BRIP1: variants seen among roughly 807,000 people sequenced by gnomAD.
The protein encoded by BRIP1 is Fanconi anemia group J protein.
BRIP1 carries 88 observed loss-of-function variants against 119.7 expected under a neutral mutation model. That is an observed-to-expected ratio of 0.74 (90% confidence interval 0.62 to 0.88). The LOEUF (loss-of-function observed/expected upper bound fraction) is 0.88. Among genes scored for constraint, BRIP1 ranks in the 40% least tolerant of loss-of-function variants. BRIP1 has a pLI of 0.00. For synonymous variants in BRIP1, 443 were observed against 496.5 expected, an observed-to-expected ratio of 0.89 and a Z score of 1.43; for missense variants, 1,259 against 1,455.4, an observed-to-expected ratio of 0.87 and a Z score of 2.20.
Position 61,756,331 on chromosome 17 carries a change from C to T in BRIP1, c.2098-11740G>A, listed in dbSNP as rs564042253. Among the ~76,000 whole-genome samples, 6 of 152,218 alleles carry T rather than the reference C, an allele frequency of 3.9e-5. No individual in the cohort carries two copies. In the South Asian group the frequency reaches 6.2e-4, roughly 16 times the overall value. On this transcript the variant is annotated intron_variant, in intron 14 of 19. Transcript: ENST00000259008. This position sits in a 1 kb window ranked among gnomAD's most constrained non-coding sequence, Gnocchi z 4.3. ...CTAAAAACTAACTTAAAGGAAAGTA[C>T]GATGACACAGAGCTGTCTCTCAGGT...
rs1295906493 is a variant in BRIP1 at position 61,796,235 on chromosome 17, C to T, written c.1341-2506G>A. ...TTCACTTTGTTGATTGTTTCCTTTG[C>T]TGTGCAGCAGCTTTTTAACTTGATG... On this transcript the variant is annotated intron_variant, in intron 9 of 19. Transcript: ENST00000259008. The surrounding 1 kb of genome is among the most constrained non-coding windows in gnomAD (Gnocchi z 4.8). Among the ~76,000 whole-genome samples the T allele has an allele frequency of 6.6e-6, 1 of 152,004 alleles. No homozygotes were observed. Among genetic ancestry groups the T allele is most frequent in the Non-Finnish European group, 1.5e-5 (1 of 67,982 alleles).
At chr17:61,696,812 T>C (rs181224057) in intron 17 of BRIP1, among the ~76,000 whole-genome samples, 240 of 151,458 alleles carry the variant, frequency 1.6e-3, no homozygotes, top group African/African-American at 5.6e-3. Context: ...GGTGAAACCC[T>C]GTCTCTACTA....
chr17:61,843,225 G>T lies in BRIP1; in HGVS notation c.627+3876C>A, dbSNP rs2078682520. Among the ~76,000 whole-genome samples the T allele has an allele frequency of 1.3e-5, 2 of 152,124 alleles. No individual in the cohort carries two copies. The highest frequency in any genetic ancestry group is 2.9e-5 in the Non-Finnish European group (2 of 68,020). On this transcript the variant is annotated intron_variant, in intron 6 of 19. Transcript: ENST00000259008. This position sits in a 1 kb window ranked among gnomAD's most constrained non-coding sequence, Gnocchi z 5.7. ...TGGGGCAGGGAGGTGGGGGATTTGA[G>T]GAGATGTTGATCAAAGAGTAAAAAG...
In BRIP1 at chr17:61,828,909, T is replaced by C. The variant is rs1440746639; in HGVS notation, c.627+18192A>G. Among the ~76,000 whole-genome samples the C allele has an allele frequency of 1.3e-5, 2 of 152,126 alleles. No individual in the cohort carries two copies. Among genetic ancestry groups the C allele is most frequent in the African/African-American group, 4.8e-5 (2 of 41,430 alleles). On this transcript the variant is annotated intron_variant, in intron 6 of 19. Transcript: ENST00000259008. The surrounding 1 kb of genome is among the most constrained non-coding windows in gnomAD (Gnocchi z 4.1). ...CATTATTTGTGAGTTGAAATATTAT[T>C]TGAAGGTACACTGTGATAAGTTTAA...
chr17:61,788,871 A>G (rs1046935889), intron 10 of BRIP1, among the ~76,000 whole-genome samples: 1 of 152,086 alleles, frequency 6.6e-6, no homozygotes, highest in Non-Finnish European at 1.5e-5. Flanking sequence ...AGGCGGGTGG[A>G]TCACTTGAGC....
At position 61,726,201 on chromosome 17, in the gene BRIP1, G is replaced by A. The variant is rs2076764225; in HGVS notation, c.2380-10138C>T. ...TTCTCAATTTCTTCGTCTGTAAGAAGGGGCTTAGAATTAGAAGTCTCTTAG... is the reference window on the plus strand; with the variant it reads ...TTCTCAATTTCTTCGTCTGTAAGAAAGGGCTTAGAATTAGAAGTCTCTTAG... On this transcript the variant is annotated intron_variant, in intron 16 of 19. Coordinates refer to ENST00000259008, the MANE Select transcript of BRIP1 (RefSeq NM_032043.3). The surrounding 1 kb of genome is among the most constrained non-coding windows in gnomAD (Gnocchi z 6.2). Among the ~76,000 whole-genome samples, 2 of 152,328 alleles carry A rather than the reference G, an allele frequency of 1.3e-5. No individual in the cohort carries two copies. The highest frequency in any genetic ancestry group is 4.1e-4 in the South Asian group (2 of 4,822).
intron 10 of BRIP1, among the ~76,000 whole-genome samples, chr17:61,786,190 G>A (rs1349885197): frequency 6.6e-6 from 1 of 151,934 alleles, no homozygotes; most frequent in Non-Finnish European, 1.5e-5. Context: ...GAGAGCGCAT[G>A]AGTGAGCGTG....
intron 10 of BRIP1, among the ~76,000 whole-genome samples, chr17:61,784,804 T>C (rs1269894983): frequency 6.6e-6 from 1 of 152,156 alleles, no homozygotes; most frequent in East Asian, 1.9e-4. Context: ...CCAGCTCCCC[T>C]TCACCTTTTG....
intron 6 of BRIP1, among the ~76,000 whole-genome samples, chr17:61,826,810 C>CTGG (rs1000822309): frequency 1.4e-5 from 2 of 147,454 alleles, no homozygotes; most frequent in Non-Finnish European, 3.0e-5. Context: ...TTGCACACTA[C>CTGG]TGGTAAGAAT....
Position 61,815,929 on chromosome 17 carries a change from G to T in BRIP1, c.628-7172C>A, listed in dbSNP as rs897077843. ...CCATCTAAACAGGTACTGAATGCCC[G>T]TTGTGCAAAATCTCACATTAGCACA... On this transcript the variant is annotated intron_variant, in intron 6 of 19. Coordinates refer to ENST00000259008, the MANE Select transcript of BRIP1 (RefSeq NM_032043.3). This position sits in a 1 kb window ranked among gnomAD's most constrained non-coding sequence, Gnocchi z 4.1. Among the ~76,000 whole-genome samples, 3 of 152,134 alleles carry T rather than the reference G, an allele frequency of 2.0e-5. No individual in the cohort carries two copies. Among genetic ancestry groups the T allele is most frequent in the Non-Finnish European group, 4.4e-5 (3 of 68,016 alleles).
intron 3 of BRIP1, among the ~76,000 whole-genome samples, chr17:61,859,049 CA>C (rs34782273): frequency 8.7e-3 from 393 of 45,128 alleles, no homozygotes; most frequent in African/African-American, 0.019. Context: ...TGACGCCACT[CA>C]AAAAAAAAAA....
At position 61,768,229 on chromosome 17, in the gene BRIP1, T is replaced by A. The variant is rs1280238772; in HGVS notation, c.2097+8172A>T. The stretch of plus-strand genomic sequence containing the variant: ...AATAAAAATAAATGTGAAGTAAAGT[T>A]ATGAGATTTCTCAGGAAGATCTTAA... On this transcript the variant is annotated intron_variant, in intron 14 of 19. Coordinates refer to ENST00000259008, the MANE Select transcript of BRIP1 (RefSeq NM_032043.3). The surrounding 1 kb of genome is among the most constrained non-coding windows in gnomAD (Gnocchi z 5.0). 6.6e-6 allele frequency among the ~76,000 whole-genome samples: 1 copy of A among 152,204 alleles called. No individual in the cohort carries two copies. Among genetic ancestry groups the A allele is most frequent in the Non-Finnish European group, 1.5e-5 (1 of 68,032 alleles).
At chr17:61,849,488 G>A (rs897135832) in intron 4 of BRIP1, among the ~76,000 whole-genome samples, 2 of 151,908 alleles carry the variant, frequency 1.3e-5, no homozygotes, top group Admixed American at 6.6e-5. Context: ...TTTTTAAATC[G>A]CCTTATGTAC....
chr17:61,854,514 C>G (rs1347329057), intron 4 of BRIP1, among the ~76,000 whole-genome samples: 1 of 151,934 alleles, frequency 6.6e-6, no homozygotes, highest in Non-Finnish European at 1.5e-5. Context: ...ACAGAGCAGC[C>G]TGACCAACGT....
rs538460922 is a variant in BRIP1, at chr17:61,759,351, A to G, written c.2098-14760T>C. Among the ~76,000 whole-genome samples, 68 of 152,300 alleles carry G rather than the reference A, an allele frequency of 4.5e-4. 1 individual carries two copies. In the East Asian group the frequency reaches 0.013, roughly 29 times the overall value. On this transcript the variant is annotated intron_variant, in intron 14 of 19. Transcript: ENST00000259008. The surrounding 1 kb of genome is among the most constrained non-coding windows in gnomAD (Gnocchi z 4.9). Reference sequence around the variant, plus strand: ...ACGAAGAACATTATTTAACAAAAAAAGGTCAATTCATCAAGAGGATATAAC... The same window carrying G: ...ACGAAGAACATTATTTAACAAAAAAGGGTCAATTCATCAAGAGGATATAAC...
intron 4 of BRIP1, among the ~76,000 whole-genome samples, chr17:61,854,017 T>C (rs569489175): frequency 1.5e-3 from 236 of 152,324 alleles, no homozygotes; most frequent in African/African-American, 5.5e-3. Context: ...GGCTCATGCC[T>C]ATAATCCCAG....
Position 61,774,121 on chromosome 17 carries a change from A to G in BRIP1, c.2097+2280T>C, listed in dbSNP as rs1348009655. Among the ~76,000 whole-genome samples the G allele has an allele frequency of 6.6e-6, 1 of 152,214 alleles. No homozygotes were observed. The highest frequency in any genetic ancestry group is 6.5e-5 in the Admixed American group (1 of 15,280). On this transcript the variant is annotated intron_variant, in intron 14 of 19. Transcript: ENST00000259008. This position sits in a 1 kb window ranked among gnomAD's most constrained non-coding sequence, Gnocchi z 5.8. Reference sequence around the variant, plus strand: ...AAAGGATTATAAATCATGCTACTATAAAGACACATGCATACGTATATTTAT... The same window carrying G: ...AAAGGATTATAAATCATGCTACTATGAAGACACATGCATACGTATATTTAT...
intron 17 of BRIP1, among the ~76,000 whole-genome samples, chr17:61,712,902 C>CA (rs10602913): frequency 7.1e-6 from 1 of 141,272 alleles, no homozygotes; most frequent in African/African-American, 2.6e-5. Flanking sequence ...GACTTCATCT[C>CA]AAAAAAAAAA....
At chr17:61,741,847 G>A (rs2076990766) in intron 16 of BRIP1, among the ~76,000 whole-genome samples, 2 of 152,158 alleles carry the variant, frequency 1.3e-5, no homozygotes. Flanking sequence ...TGTTAAATGA[G>A]CATTGGCTTC....
Sources: allele counts gnomAD v4.1 joint callset (sites outside exome capture counted in the v4.1 genomes callset), GRCh38; gene constraint gnomAD v4.1.1; non-coding constraint Gnocchi (gnomAD v3.1); transcripts MANE v1.5; gene names NCBI Gene and HGNC (gene_info 2026-07-23, HGNC 2026-07-21).